The following NCR1 variants were observed in gnomAD, a reference collection of about 807,000 sequenced individuals.
NCR1 encodes the protein NK cell-activating receptor.
In NCR1, 30 loss-of-function variants were observed where a neutral mutation model predicts 32.5. That is an observed-to-expected ratio of 0.92 (90% CI 0.69 to 1.25). The LOEUF (loss-of-function observed/expected upper bound fraction) is 1.25. Among genes scored for constraint, NCR1 ranks in the 50% most tolerant of loss-of-function variants. The pLI, the probability that NCR1 is intolerant of heterozygous loss-of-function variation, is 0.00. For missense variants in NCR1, 369 were observed against 380.7 expected, an observed-to-expected ratio of 0.97 and a Z score of 0.26; for synonymous variants, 169 against 143.4, an observed-to-expected ratio of 1.18 and a Z score of -1.28.
downstream of NCR1, among the ~76,000 whole-genome samples, chr19:54,915,059 C>T (rs1183086973): frequency 3.3e-5 from 5 of 152,110 alleles, no homozygotes; most frequent in East Asian, 3.9e-4. Flanking sequence ...ACACTTTCCT[C>T]ATCCCAAAGC....
chr19:54,923,280 A>G, the NCR1 span, among the ~76,000 whole-genome samples: 68 of 152,206 alleles, frequency 4.5e-4, no homozygotes, highest in Non-Finnish European at 6.9e-4. Context: ...CCGTTTGTCA[A>G]TGCGTGGGTT....
chr19:54,936,500 C>T, the NCR1 span: 4 of 1,330,208 alleles, frequency 3.0e-6, no homozygotes, highest in Non-Finnish European at 2.2e-6. Flanking sequence ...CATGTATAAA[C>T]AAAAAGCTGT....
chr19:54,933,820 G>A, the NCR1 span: 4 of 1,216,328 alleles, frequency 3.3e-6, no homozygotes. Context: ...CACATGCTAG[G>A]GTACTCAGCT....
chr19:54,933,152 CTTTGTTTT>C, the NCR1 span, among the ~76,000 whole-genome samples: 1 of 151,092 alleles, frequency 6.6e-6, no homozygotes, highest in African/African-American at 2.4e-5. Context: ...TTTTTTGTTT[CTTTGTTTT>C]TTTGAGAAGG....
At chr19:54,921,411 A>G in the NCR1 span, among the ~76,000 whole-genome samples, 4 of 152,214 alleles carry the variant, frequency 2.6e-5, no homozygotes, top group Admixed American at 6.5e-5. Context: ...ACAGCAAGAT[A>G]AATGAGGGCC....
chr19:54,929,634 C>T, the NCR1 span, among the ~76,000 whole-genome samples: 1 of 152,110 alleles, frequency 6.6e-6, no homozygotes, highest in African/African-American at 2.4e-5. Context: ...TCACTGCTTC[C>T]TGATTACTGG....
At chr19:54,909,149 G>A (rs889698557) in intron 3 of NCR1, 96 bp from the exon 4 acceptor site, 19 of 1,238,070 alleles carry the variant, frequency 1.5e-5, no homozygotes, top group South Asian at 4.5e-5. Context: ...CAGCCTGGGC[G>A]ACAGAGAGAG....
At chr19:54,927,619 G>A in the NCR1 span, 1 of 1,613,930 alleles carries the variant, frequency 6.2e-7, no homozygotes, top group Non-Finnish European at 8.5e-7. Flanking sequence ...GTATCTTCAA[G>A]GATCCAGTTC....
intron 3 of NCR1, among the ~76,000 whole-genome samples, chr19:54,908,653 C>CTTTTT (rs34151807): frequency 7.4e-6 from 1 of 135,076 alleles, no homozygotes; most frequent in Admixed American, 7.4e-5. Context: ...CTGGCCGGGG[C>CTTTTT]TTTTTTTTTT....
upstream of NCR1, among the ~76,000 whole-genome samples, chr19:54,903,591 TATGTGTATATATGC>T (rs1236452365): frequency 5.4e-5 from 8 of 149,256 alleles, no homozygotes; most frequent in Non-Finnish European, 8.9e-5. Flanking sequence ...CATATACATG[TATGTGTATATATGC>T]ATGTGTATAT....
At chr19:54,899,969 T>A in the NCR1 span, among the ~76,000 whole-genome samples, 1 of 150,484 alleles carries the variant, frequency 6.6e-6, no homozygotes, top group Non-Finnish European at 1.5e-5. Flanking sequence ...GATTGAAGAG[T>A]GGAAAGGAGA....
the NCR1 span, among the ~76,000 whole-genome samples, chr19:54,900,560 G>A: frequency 3.9e-5 from 6 of 152,092 alleles, no homozygotes; most frequent in African/African-American, 1.4e-4. Context: ...AGGCCACAGG[G>A]GGATATGATG....
At chr19:54,899,416 AAG>A in the NCR1 span, among the ~76,000 whole-genome samples, 17 of 152,078 alleles carry the variant, frequency 1.1e-4, no homozygotes, top group African/African-American at 1.7e-4. Flanking sequence ...GCACAGAGAA[AAG>A]AGAGAGTAGA....
chr19:54,919,769 A>G (rs1283143986), downstream of NCR1, among the ~76,000 whole-genome samples: 1 of 126,710 alleles, frequency 7.9e-6, no homozygotes, highest in African/African-American at 2.9e-5. Flanking sequence ...GGGTGTTGTT[A>G]ATTGACACCT....
chr19:54,923,893 A>G, the NCR1 span: 1 of 1,609,606 alleles, frequency 6.2e-7, no homozygotes, highest in Non-Finnish European at 8.5e-7. Context: ...CAGAGAACAC[A>G]AATGTTCCCA....
the NCR1 span, among the ~76,000 whole-genome samples, chr19:54,931,009 C>T: frequency 4.6e-5 from 7 of 151,932 alleles, no homozygotes; most frequent in African/African-American, 9.7e-5. Flanking sequence ...GGCGACAGAG[C>T]GAGACTCCGT....
the NCR1 span, among the ~76,000 whole-genome samples, chr19:54,936,931 C>A: frequency 3.4e-5 from 5 of 146,900 alleles, no homozygotes; most frequent in Non-Finnish European, 7.5e-5. Context: ...AAAAAAAATT[C>A]GCCGGGTGTG....
chr19:54,918,137 A>G (rs1013481199), downstream of NCR1, among the ~76,000 whole-genome samples: 1 of 151,832 alleles, frequency 6.6e-6, no homozygotes, highest in Non-Finnish European at 1.5e-5. Context: ...GGGTTTCACC[A>G]TGTTAGCCAG....
Position 54,912,850 on chromosome 19 carries a change from G to T in NCR1, c.894G>T (p.Arg298Ser). ...CTTCCACTTGGGAAGGCAGGAGAAGGCTGAACACACAGACTCTTTGAAGAA... is the reference window on the plus strand; with the variant it reads ...CTTCCACTTGGGAAGGCAGGAGAAGTCTGAACACACAGACTCTTTGAAGAA... ...SRASTWEGRR[R>S]LNTQTL is the part of the protein sequence containing the mutation. The change falls in exon 7 of 7, where the codon AGG (arginine) becomes AGT (serine). Residue 298 changes from arginine to serine, a missense_variant. Physicochemically the swap from Arg to Ser is moderately radical, Grantham distance 110. Coordinates refer to ENST00000291890, the MANE Select transcript of NCR1 (RefSeq NM_004829.7). 1 of 1,613,766 alleles carries T rather than the reference G, an allele frequency of 6.2e-7. No homozygotes were observed. Among genetic ancestry groups the T allele is most frequent in the Non-Finnish European group, 8.5e-7 (1 of 1,179,952 alleles).
Sources: gnomAD v4.1 joint callset for allele counts (sites outside exome capture counted in the v4.1 genomes callset) on GRCh38, gnomAD v4.1.1 for gene constraint, MANE v1.5 for transcripts, NCBI Gene and HGNC (gene_info 2026-07-23, HGNC 2026-07-21) for gene names.